Variants in TPRG1 observed in about 807,000 individuals in gnomAD.
TPRG1 encodes the protein tumor protein p63-regulated gene 1 protein.
In TPRG1, 29 loss-of-function variants were observed where a neutral mutation model predicts 29.3. That is an observed-to-expected ratio of 0.99 (90% CI 0.74 to 1.35). The LOEUF (loss-of-function observed/expected upper bound fraction) is 1.35. Among genes scored for constraint, TPRG1 ranks in the 40% most tolerant of loss-of-function variants. The pLI, the probability that TPRG1 is intolerant of heterozygous loss-of-function variation, is 0.00. For missense variants in TPRG1, 327 were observed against 335.0 expected, an observed-to-expected ratio of 0.98 and a Z score of 0.19; for synonymous variants, 130 against 116.8, an observed-to-expected ratio of 1.11 and a Z score of -0.73.
intron 1 of TPRG1, among the ~76,000 whole-genome samples, chr3:189,111,036 A>G (rs576416559): frequency 6.6e-6 from 1 of 152,052 alleles, no homozygotes; most frequent in South Asian, 2.1e-4. Context: ...TGCTTTGAAA[A>G]ATATTCCAGC....
At chr3:189,026,071 G>T (rs1414439320) in intron 4 of TPRG1, among the ~76,000 whole-genome samples, 1 of 152,206 alleles carries the variant, frequency 6.6e-6, no homozygotes, top group South Asian at 2.1e-4. Context: ...GAGTGTATTA[G>T]TTAGCTCGAG....
At chr3:189,043,877 G>A (rs1409311697) in intron 4 of TPRG1, among the ~76,000 whole-genome samples, 1 of 152,058 alleles carries the variant, frequency 6.6e-6, no homozygotes, top group Admixed American at 6.5e-5. Flanking sequence ...AAGAGAGCTG[G>A]GTCTCTCGAG....
chr3:189,248,468 A>G (rs1389237503), intron 4 of TPRG1, among the ~76,000 whole-genome samples: 1 of 151,326 alleles, frequency 6.6e-6, no homozygotes, highest in Non-Finnish European at 1.5e-5. Flanking sequence ...ATTATTTTCT[A>G]CATTTATCTG....
intron 4 of TPRG1, among the ~76,000 whole-genome samples, chr3:189,255,144 ATATTGGCTGTGGGT>A (rs1182846255): frequency 6.6e-6 from 1 of 152,108 alleles, no homozygotes; most frequent in East Asian, 1.9e-4. Context: ...ATTCAGTGTG[ATATTGGCTGTGGGT>A]TTCTCATAAA....
chr3:189,133,556 A>G (rs1723355891), intron 3 of TPRG1, among the ~76,000 whole-genome samples: 1 of 151,962 alleles, frequency 6.6e-6, no homozygotes, highest in African/African-American at 2.4e-5. Flanking sequence ...CCCTGCCTAC[A>G]CTTCTCTCTC....
chr3:189,212,308 T>G (rs1240200049), intron 2 of TPRG1: 1 of 152,184 alleles, frequency 6.6e-6, no homozygotes, highest in East Asian at 1.9e-4. Flanking sequence ...AATAAGCAGG[T>G]TCAGGACTTT....
At chr3:189,184,048 C>T (rs1730595030) in intron 1 of TPRG1, among the ~76,000 whole-genome samples, 1 of 152,114 alleles carries the variant, frequency 6.6e-6, no homozygotes, top group Non-Finnish European at 1.5e-5. Context: ...ATTTGGGGAA[C>T]TAATAAATGT....
chr3:189,113,066 T>C (rs1720739969), intron 1 of TPRG1, among the ~76,000 whole-genome samples: 1 of 152,162 alleles, frequency 6.6e-6, no homozygotes, highest in Non-Finnish European at 1.5e-5. Flanking sequence ...CAGTGGTTTG[T>C]AGTTCTCCTT....
upstream of TPRG1, among the ~76,000 whole-genome samples, chr3:189,168,199 A>G (rs2108650879): frequency 6.6e-6 from 1 of 152,338 alleles, no homozygotes; most frequent in East Asian, 1.9e-4. Context: ...ACAAATGTGT[A>G]TGTGGCAAAA....
chr3:189,082,457 C>T (rs762037298), intron 4 of TPRG1, among the ~76,000 whole-genome samples: 5 of 149,928 alleles, frequency 3.3e-5, no homozygotes, highest in Non-Finnish European at 7.4e-5. Context: ...GGCATCTTGT[C>T]AGAAGCAAGA....
intron 1 of TPRG1, among the ~76,000 whole-genome samples, chr3:189,111,101 T>C (rs1720458092): frequency 2.5e-5 from 3 of 121,070 alleles, no homozygotes; most frequent in African/African-American, 1.0e-4. Context: ...TGGCAATTTC[T>C]AAAAAAACAA....
chr3:189,203,650 A>G (rs767171994), intron 1 of TPRG1, among the ~76,000 whole-genome samples: 1 of 152,178 alleles, frequency 6.6e-6, no homozygotes, highest in Non-Finnish European at 1.5e-5. Flanking sequence ...TCCATTTTTC[A>G]TTACTACTCA....
intron 4 of TPRG1, among the ~76,000 whole-genome samples, chr3:189,029,590 C>T (rs973522685): frequency 1.3e-5 from 2 of 152,102 alleles, no homozygotes; most frequent in African/African-American, 2.4e-5. Flanking sequence ...GGCTTAGAAG[C>T]TGGATTCTAA....
chr3:189,205,794 A>T (rs2108797829), intron 1 of TPRG1, among the ~76,000 whole-genome samples: 1 of 152,344 alleles, frequency 6.6e-6, no homozygotes. Context: ...ATATGTACAA[A>T]ATAGAAACCA....
intron 4 of TPRG1, among the ~76,000 whole-genome samples, chr3:189,053,306 CA>C (rs1715451347): frequency 6.6e-6 from 1 of 152,192 alleles, no homozygotes; most frequent in Non-Finnish European, 1.5e-5. Context: ...AAGATAAAAG[CA>C]GCCCAATTTT....
chr3:189,006,059 C>A (rs572820738), intron 3 of TPRG1, among the ~76,000 whole-genome samples: 1 of 152,062 alleles, frequency 6.6e-6, no homozygotes, highest in South Asian at 2.1e-4. Context: ...TCAAAATAAC[C>A]CTTCAAAGTA....
chr3:189,035,712 A>G (rs1578221135), intron 4 of TPRG1, among the ~76,000 whole-genome samples: 1 of 152,174 alleles, frequency 6.6e-6, no homozygotes, highest in Non-Finnish European at 1.5e-5. Flanking sequence ...ATCAAAAACT[A>G]CAATGAGATA....
chr3:189,318,640 G>C (rs1351184300), intron 5 of TPRG1, among the ~76,000 whole-genome samples: 1 of 152,132 alleles, frequency 6.6e-6, no homozygotes, highest in African/African-American at 2.4e-5. Context: ...TTACCTGCTT[G>C]GCTTTTGGCT....
At chr3:189,127,801 C>T (rs1053840751) in intron 2 of TPRG1, among the ~76,000 whole-genome samples, 2 of 152,162 alleles carry the variant, frequency 1.3e-5, no homozygotes, top group African/African-American at 4.8e-5. Context: ...AAATCAATGG[C>T]CTTTGTGAGG....
Sources: gnomAD v4.1 joint callset for allele counts (sites outside exome capture counted in the v4.1 genomes callset) on GRCh38, gnomAD v4.1.1 for gene constraint, MANE v1.5 for transcripts, NCBI Gene and HGNC (gene_info 2026-07-23, HGNC 2026-07-21) for gene names.